FBXO3: variants seen among roughly 807,000 people sequenced by gnomAD.
FBXO3 encodes F-box only protein 3.
FBXO3 carries 17 observed loss-of-function variants against 64.8 expected under a neutral mutation model. That is an observed-to-expected ratio of 0.26 (90% CI 0.18 to 0.39). FBXO3 has a LOEUF of 0.39. FBXO3 is among the 10% of genes least tolerant of loss of function. The pLI, the probability that FBXO3 is intolerant of heterozygous loss-of-function variation, is 1.00. For missense variants in FBXO3, 420 were observed against 589.9 expected, an observed-to-expected ratio of 0.71 and a Z score of 2.98; for synonymous variants, 182 against 201.6, an observed-to-expected ratio of 0.90 and a Z score of 0.82.
At chr11:33,749,753 T>C (rs1349227490) in intron 8 of FBXO3, among the ~76,000 whole-genome samples, 1 of 152,206 alleles carries the variant, frequency 6.6e-6, no homozygotes. Context: ...TTGAGTACCC[T>C]ATAAGTATGT....
rs1380949315 is a variant in FBXO3, at chr11:33,743,058, T to C, written c.1240-974A>G. 8 of 152,218 alleles carry C rather than the reference T, an allele frequency of 5.3e-5. No homozygotes were observed. Among genetic ancestry groups the C allele is most frequent in the African/African-American group, 1.9e-4 (8 of 41,438 alleles). The allele number at this position is 152,218 out of a possible 1,614,324, so 9.4% of individuals were successfully genotyped here. A position where few individuals can be genotyped will look rare whatever the true frequency, so the allele number is the denominator to read the frequency against. Reference sequence around the variant, plus strand: ...TCTATCTCTGTGTGATGTCTCTACATGGTCTCTTCTGCATGACGGCTTCAT... The same window carrying C: ...TCTATCTCTGTGTGATGTCTCTACACGGTCTCTTCTGCATGACGGCTTCAT... On this transcript the variant is annotated intron_variant, in intron 10 of 10. Coordinates refer to ENST00000265651, the MANE Select transcript of FBXO3 (RefSeq NM_012175.4). The surrounding 1 kb of genome is among the most constrained non-coding windows in gnomAD (Gnocchi z 4.6).
intron 8 of FBXO3, 151 bp downstream of exon 8, chr11:33,750,388 T>A (rs1337491866): frequency 2.5e-6 from 2 of 798,846 alleles, no homozygotes; most frequent in South Asian, 4.0e-5. Context: ...CCATGAACAC[T>A]ATCTTGTAGA....
intron 9 of FBXO3, among the ~76,000 whole-genome samples, chr11:33,747,886 A>G (rs1382969978): frequency 6.6e-6 from 1 of 152,028 alleles, no homozygotes; most frequent in Non-Finnish European, 1.5e-5. Flanking sequence ...TAAAAAAAAA[A>G]AAAAAAACAG....
intron 9 of FBXO3, 102 bp downstream of exon 9, chr11:33,748,675 T>C (rs1854876625): frequency 3.3e-6 from 2 of 610,798 alleles, no homozygotes; most frequent in Admixed American, 2.9e-5. Context: ...ATTAAATTAA[T>C]AGGATAACGA....
intron 8 of FBXO3, among the ~76,000 whole-genome samples, chr11:33,750,254 C>T (rs894964122): frequency 6.6e-6 from 1 of 152,138 alleles, no homozygotes; most frequent in Non-Finnish European, 1.5e-5. Context: ...TGCATTACAA[C>T]TTGAAGCTTT....
At chr11:33,770,934 T>C in intron 1 of FBXO3, 104 bp from the exon 2 acceptor site, 1 of 894,762 alleles carries the variant, frequency 1.1e-6, no homozygotes, top group South Asian at 2.0e-5. Flanking sequence ...TTTGTTTCTC[T>C]TACTTTTCAC....
At chr11:33,749,360 CTTTT>C (rs35452082) in intron 8 of FBXO3, among the ~76,000 whole-genome samples, 2 of 137,022 alleles carry the variant, frequency 1.5e-5, no homozygotes, top group Admixed American at 7.4e-5. Flanking sequence ...TGGGATTACA[CTTTT>C]TTTTTTTTTT....
chr11:33,770,963 C>A (rs184068079), intron 1 of FBXO3, 133 bp from the exon 2 acceptor site: 3 of 646,438 alleles, frequency 4.6e-6, no homozygotes, highest in Admixed American at 2.9e-5. Context: ...CTTATAATTA[C>A]AAAACTATTT....
At chr11:33,761,079 A>G (rs1855229369) in intron 3 of FBXO3, among the ~76,000 whole-genome samples, 1 of 152,202 alleles carries the variant, frequency 6.6e-6, no homozygotes, top group African/African-American at 2.4e-5. Flanking sequence ...TGGAAAAAAT[A>G]CTAATTTACA....
rs977240258 is a variant in FBXO3 at position 33,743,405 on chromosome 11, T to A, written c.1240-1321A>T. Reference sequence around the variant, plus strand: ...GCCATGACTTACTCTGCTGTCAATGTTCTCTCTCACACATTTGAAGACGCA... The same window carrying A: ...GCCATGACTTACTCTGCTGTCAATGATCTCTCTCACACATTTGAAGACGCA... On this transcript the variant is annotated intron_variant, in intron 10 of 10. Coordinates refer to ENST00000265651, the MANE Select transcript of FBXO3 (RefSeq NM_012175.4). The surrounding 1 kb of genome is among the most constrained non-coding windows in gnomAD (Gnocchi z 4.6). 1 of 152,202 alleles carries A rather than the reference T, an allele frequency of 6.6e-6. No individual in the cohort carries two copies. Among genetic ancestry groups the A allele is most frequent in the Non-Finnish European group, 1.5e-5 (1 of 68,040 alleles). The allele number at this position is 152,202 out of a possible 1,614,324, so 9.4% of individuals were successfully genotyped here.
chr11:33,774,344 C>T (rs1411927945), intron 1 of FBXO3, 50 bp downstream of exon 1: 2 of 1,470,924 alleles, frequency 1.4e-6, no homozygotes, highest in Non-Finnish European at 9.3e-7. Flanking sequence ...CCTGCCTCAC[C>T]GCCTCCTCTC....
At chr11:33,769,472 T>C (rs1039939571) in intron 2 of FBXO3, among the ~76,000 whole-genome samples, 1 of 152,152 alleles carries the variant, frequency 6.6e-6, no homozygotes, top group African/African-American at 2.4e-5. Flanking sequence ...AACATTCCTA[T>C]TTGGTAAAAT....
Position 33,743,734 on chromosome 11 carries a change from A to C in FBXO3, c.1240-1650T>G, listed in dbSNP as rs1174728837. On this transcript the variant is annotated intron_variant, in intron 10 of 10. Coordinates refer to ENST00000265651, the MANE Select transcript of FBXO3 (RefSeq NM_012175.4). The surrounding 1 kb of genome is among the most constrained non-coding windows in gnomAD (Gnocchi z 4.6). ...CCTCTCGTCTCCCACATATCCACCT[A>C]ATTCCCTCTGCTCCTTTCACGTTTC... The C allele has an allele frequency of 6.6e-6, 1 of 152,222 alleles. No homozygotes were observed. The highest frequency in any genetic ancestry group is 2.4e-5 in the African/African-American group (1 of 41,410). The allele number at this position is 152,222 out of a possible 1,614,324, so 9.4% of individuals were successfully genotyped here. A position where few individuals can be genotyped will look rare whatever the true frequency, so the allele number is the denominator to read the frequency against.
rs1176656643 is a variant in FBXO3 at position 33,743,966 on chromosome 11, T to C, written c.1240-1882A>G. ...AATTTGATTATATTGTTAATCACAG[T>C]GCTCAATAAATAGTTGTTGTACAAG... On this transcript the variant is annotated intron_variant, in intron 10 of 10. Coordinates refer to ENST00000265651, the MANE Select transcript of FBXO3 (RefSeq NM_012175.4). This position sits in a 1 kb window ranked among gnomAD's most constrained non-coding sequence, Gnocchi z 4.6. 2.6e-5 allele frequency: 4 copies of C among 152,234 alleles called. No individual in the cohort carries two copies. Among genetic ancestry groups the C allele is most frequent in the Admixed American group, 6.5e-5 (1 of 15,288 alleles). 9.4% of individuals were successfully genotyped at this position (152,234 alleles called of 1,614,324 possible).
At chr11:33,756,054 T>C in intron 4 of FBXO3, 79 bp from the exon 5 acceptor site, 2 of 1,161,816 alleles carry the variant, frequency 1.7e-6, no homozygotes, top group Non-Finnish European at 2.5e-6. Flanking sequence ...TGAATAATAA[T>C]TTCCCACTCA....
At chr11:33,756,015 T>C in intron 4 of FBXO3, 40 bp from the exon 5 acceptor site, 3 of 1,530,442 alleles carry the variant, frequency 2.0e-6, no homozygotes, top group Non-Finnish European at 2.7e-6. Flanking sequence ...TACACGGCAG[T>C]GCCAAAGAGC....
At chr11:33,767,114 C>G (rs1032236483) in intron 3 of FBXO3, among the ~76,000 whole-genome samples, 1 of 152,094 alleles carries the variant, frequency 6.6e-6, no homozygotes, top group South Asian at 2.1e-4. Flanking sequence ...ATATCATATT[C>G]CAAATGTCCT....
intron 3 of FBXO3, among the ~76,000 whole-genome samples, chr11:33,762,053 C>G (rs1855256797): frequency 1.3e-5 from 2 of 152,172 alleles, no homozygotes; most frequent in Admixed American, 1.3e-4. Context: ...AATCCCTTCA[C>G]CTTTTTCATA....
At position 33,746,800 on chromosome 11, in the gene FBXO3, T is replaced by C. The variant is rs1854823063; in HGVS notation, c.1239+330A>G. 5.7e-6 allele frequency: 8 copies of C among 1,408,948 alleles called. 1 individual carries two copies. The South Asian group carries it at 1.4e-4, about 24-fold the overall frequency. 87.3% of individuals were successfully genotyped at this position (1,408,948 alleles called of 1,614,324 possible). On this transcript the variant is annotated intron_variant, in intron 10 of 10. Transcript: ENST00000265651. Reference sequence around the variant, plus strand: ...TTTATTTGACATTAAATTGGAAGTTTGAGCAAAAACACTGTAAGAAGTTGT... The same window carrying C: ...TTTATTTGACATTAAATTGGAAGTTCGAGCAAAAACACTGTAAGAAGTTGT...
Sources: allele counts gnomAD v4.1 joint callset (sites outside exome capture counted in the v4.1 genomes callset), GRCh38; gene constraint gnomAD v4.1.1; non-coding constraint Gnocchi (gnomAD v3.1); transcripts MANE v1.5; gene names NCBI Gene and HGNC (gene_info 2026-07-23, HGNC 2026-07-21).